The following GRK4 variants were observed in gnomAD, a reference collection of about 807,000 sequenced individuals.
GRK4 encodes the protein G protein-coupled receptor kinase 4.
In GRK4, 73 loss-of-function variants were observed where a neutral mutation model predicts 77.9. The ratio of observed to expected loss-of-function variants is 0.94; its 90% CI spans 0.78 to 1.14. The LOEUF (loss-of-function observed/expected upper bound fraction) is 1.14. Among genes scored for constraint, GRK4 ranks in the 50% most tolerant of loss-of-function variants. The probability of loss-of-function intolerance (pLI) is 0.00; values close to 1 mark genes in which losing one functional copy is unlikely to be tolerated. For synonymous variants in GRK4, 257 were observed against 254.4 expected, an observed-to-expected ratio of 1.01 and a Z score of -0.10; for missense variants, 729 against 700.2, an observed-to-expected ratio of 1.04 and a Z score of -0.46.
chr4:3,014,292 C>G (rs1560458809), intron 8 of GRK4, among the ~76,000 whole-genome samples: 3 of 123,756 alleles, frequency 2.4e-5, no homozygotes, highest in Admixed American at 1.7e-4. Context: ...CTCTCTCTCT[C>G]TCTCTTTTTT....
At chr4:3,022,385 AT>A in intron 9 of GRK4, 28 bp from the exon 10 acceptor site, 3 of 1,611,032 alleles carry the variant, frequency 1.9e-6, no homozygotes, top group Non-Finnish European at 2.5e-6. Flanking sequence ...CTTCTGAATA[AT>A]TGGGCCTTTT....
intron 1 of GRK4, among the ~76,000 whole-genome samples, chr4:2,973,263 T>A (rs1259158143): frequency 6.6e-6 from 1 of 152,254 alleles, no homozygotes; most frequent in African/African-American, 2.4e-5. Context: ...ATGGCTTGGC[T>A]GGTCCCCCCT....
At chr4:3,009,961 C>T (rs913773351) in intron 7 of GRK4, among the ~76,000 whole-genome samples, 1 of 152,204 alleles carries the variant, frequency 6.6e-6, no homozygotes, top group African/African-American at 2.4e-5. Flanking sequence ...ATGCTTGATG[C>T]CCCAGCTCAG....
intron 1 of GRK4, among the ~76,000 whole-genome samples, chr4:2,977,469 T>C (rs1395811380): frequency 6.6e-6 from 1 of 152,268 alleles, no homozygotes; most frequent in Non-Finnish European, 1.5e-5. Flanking sequence ...CTCTAGATAC[T>C]GACATCTGTA....
intron 7 of GRK4, among the ~76,000 whole-genome samples, chr4:3,012,292 AT>A (rs1733127172): frequency 6.6e-6 from 1 of 152,200 alleles, no homozygotes; most frequent in Non-Finnish European, 1.5e-5. Flanking sequence ...ACACAATAAG[AT>A]TTTTTAAAAG....
chr4:3,025,546 C>T (rs1022027748), intron 10 of GRK4, among the ~76,000 whole-genome samples: 1 of 151,328 alleles, frequency 6.6e-6, no homozygotes, highest in Non-Finnish European at 1.5e-5. Flanking sequence ...CCCGCCACCA[C>T]GCCCGGCTAA....
intron 6 of GRK4, among the ~76,000 whole-genome samples, chr4:3,008,471 A>T (rs1731944029): frequency 6.6e-6 from 1 of 152,208 alleles, no homozygotes; most frequent in Non-Finnish European, 1.5e-5. Context: ...TACAACGCTT[A>T]TAGCACAATG....
At chr4:3,037,962 A>C (rs1342561875) in intron 14 of GRK4, among the ~76,000 whole-genome samples, 1 of 151,604 alleles carries the variant, frequency 6.6e-6, no homozygotes, top group African/African-American at 2.4e-5. Context: ...TGACCACAGG[A>C]CTAGACCATG....
rs142615024 is a variant in GRK4 at position 2,985,781 on chromosome 4, G to A, written c.148+1173G>A. 1,503 of 269,748 alleles carry A rather than the reference G, an allele frequency of 5.6e-3. 27 individuals are homozygous for A. Among genetic ancestry groups the A allele is most frequent in the African/African-American group, 0.032 (1,351 of 42,664 alleles). The allele number at this position is 269,748 out of a possible 1,614,324, so 16.7% of individuals were successfully genotyped here. A position where few individuals can be genotyped will look rare whatever the true frequency, so the allele number is the denominator to read the frequency against. ...TGGGAGACTGAGGTGGGCGGATCAC[G>A]AGATCAGGAGATCGAGACCATCCTG... is the stretch of plus-strand genomic sequence containing the variant. On this transcript the variant is annotated intron_variant, in intron 2 of 15. Transcript: ENST00000398052.
At chr4:2,967,731 T>A (rs1718183669) in intron 1 of GRK4, among the ~76,000 whole-genome samples, 1 of 151,496 alleles carries the variant, frequency 6.6e-6, no homozygotes, top group African/African-American at 2.4e-5. Flanking sequence ...TTTGTTTTAT[T>A]TTTTTTTCCT....
At chr4:2,995,389 C>T (rs1339951602) in intron 4 of GRK4, among the ~76,000 whole-genome samples, 1 of 151,894 alleles carries the variant, frequency 6.6e-6, no homozygotes, top group African/African-American at 2.4e-5. Flanking sequence ...TTTACTTGGA[C>T]CAGGTGCTGT....
At chr4:2,995,532 T>C (rs1201748466) in intron 4 of GRK4, among the ~76,000 whole-genome samples, 1 of 119,140 alleles carries the variant, frequency 8.4e-6, no homozygotes, top group Non-Finnish European at 1.8e-5. Context: ...AAAAAAAAAA[T>C]TAACTGGATG....
At chr4:3,021,872 C>G (rs1399412491) in intron 9 of GRK4, among the ~76,000 whole-genome samples, 1 of 152,224 alleles carries the variant, frequency 6.6e-6, no homozygotes, top group Non-Finnish European at 1.5e-5. Flanking sequence ...CCCGCCTGCA[C>G]TCAGTGGGGG....
At chr4:2,984,658 C>G (rs1193665315) in intron 2 of GRK4, 50 bp downstream of exon 2, 3 of 932,234 alleles carry the variant, frequency 3.2e-6, no homozygotes, top group Non-Finnish European at 5.0e-6. Flanking sequence ...TGGCATGATA[C>G]CATTCATTAG....
intron 1 of GRK4, among the ~76,000 whole-genome samples, chr4:2,967,724 GTTTTA>G (rs1333443105): frequency 1.3e-5 from 2 of 151,466 alleles, no homozygotes; most frequent in Admixed American, 6.6e-5. Context: ...TTGGTGTTTT[GTTTTA>G]TTTTTTTTTC....
chr4:2,996,874 C>T (rs1232783123), intron 4 of GRK4, among the ~76,000 whole-genome samples: 1 of 152,030 alleles, frequency 6.6e-6, no homozygotes, highest in Admixed American at 6.6e-5. Context: ...CTTTTCTTGT[C>T]TTTTATTTTA....
At chr4:3,029,912 G>C (rs1303238679) in intron 12 of GRK4, among the ~76,000 whole-genome samples, 1 of 152,222 alleles carries the variant, frequency 6.6e-6, no homozygotes, top group Admixed American at 6.5e-5. Flanking sequence ...ATTGGGTTTT[G>C]ATTGGAGCAA....
chr4:3,029,330 AG>A lies in GRK4; in HGVS notation c.1192del (p.Val398SerfsTer46), dbSNP rs1738489548. On this transcript the variant is annotated frameshift_variant, in exon 12 of 16. Coordinates refer to ENST00000398052, the MANE Select transcript of GRK4 (RefSeq NM_182982.3). LOFTEE classifies it high-confidence loss of function. ...TACAAAGAGAAAGTCAAATGGGAGG[AG>A]GTCGATCAAAGAATCAAGAATGATA... ...KKYKEKVKWE[E>X]VDQRIKNDTE... is the part of the protein sequence containing the mutation. 6.2e-7 allele frequency: 1 copy of A among 1,614,152 alleles called. No homozygotes were observed. The highest frequency in any genetic ancestry group is 1.3e-5 in the African/African-American group (1 of 75,068).
At chr4:2,976,530 G>A (rs1721212500) in intron 1 of GRK4, among the ~76,000 whole-genome samples, 1 of 150,522 alleles carries the variant, frequency 6.6e-6, no homozygotes, top group East Asian at 1.9e-4. Flanking sequence ...ATGTAATTTT[G>A]TCCTTTGATG....
Sources: gnomAD v4.1 joint callset for allele counts (sites outside exome capture counted in the v4.1 genomes callset) on GRCh38, gnomAD v4.1.1 for gene constraint, MANE v1.5 for transcripts, NCBI Gene and HGNC (gene_info 2026-07-23, HGNC 2026-07-21) for gene names.